Variants in ROBO1 observed in about 807,000 individuals in gnomAD.
ROBO1 encodes roundabout guidance receptor 1, also known as roundabout homolog 1.
A neutral mutation model predicts 195.9 loss-of-function variants in ROBO1; 149 were observed. The observed-to-expected ratio is 0.76, with a 90% CI of 0.67 to 0.87. ROBO1 has a LOEUF of 0.87. Among genes scored for constraint, ROBO1 ranks in the 40% least tolerant of loss-of-function variants. The pLI, the probability that ROBO1 is intolerant of heterozygous loss-of-function variation, is 0.00. For missense variants in ROBO1, 1,933 were observed against 2,068.3 expected, an observed-to-expected ratio of 0.93 and a Z score of 1.27; for synonymous variants, 816 against 733.2, an observed-to-expected ratio of 1.11 and a Z score of -1.82.
intron 2 of ROBO1, among the ~76,000 whole-genome samples, chr3:79,476,192 C>T (rs4507218): frequency 0.67 from 101,508 of 151,956 alleles, 35,392 homozygotes; most frequent in African/African-American, 0.89. Flanking sequence ...AAAACCACAA[C>T]GTGATACCAG....
intron 4 of ROBO1, among the ~76,000 whole-genome samples, chr3:78,789,935 A>G (rs189367855): frequency 1.2e-4 from 19 of 152,336 alleles, no homozygotes; most frequent in African/African-American, 4.3e-4. Flanking sequence ...CCCAAATTGG[A>G]CCAACATCTT....
intron 21 of ROBO1, among the ~76,000 whole-genome samples, chr3:78,645,224 T>TA (rs922651034): frequency 1.3e-5 from 2 of 152,086 alleles, no homozygotes; most frequent in East Asian, 1.9e-4. Flanking sequence ...TCTTTTTTTT[T>TA]AAACCACTCT....
chr3:78,776,711 G>T (rs1200008655), intron 4 of ROBO1, among the ~76,000 whole-genome samples: 2 of 152,146 alleles, frequency 1.3e-5, no homozygotes, highest in Non-Finnish European at 2.9e-5. Flanking sequence ...AAATATGAAT[G>T]GTACCATGTT....
chr3:79,668,886 G>A (rs546487231), intron 1 of ROBO1, among the ~76,000 whole-genome samples: 20 of 151,894 alleles, frequency 1.3e-4, no homozygotes, highest in African/African-American at 4.6e-4. Context: ...GAGTATAGAC[G>A]GAGATCATGA....
intron 2 of ROBO1, among the ~76,000 whole-genome samples, chr3:79,460,023 A>C (rs758283876): frequency 2.0e-5 from 3 of 152,150 alleles, no homozygotes; most frequent in Non-Finnish European, 1.5e-5. Flanking sequence ...TGTATTACAG[A>C]AAAAATAAAA....
At chr3:79,264,961 G>A (rs983356230) in intron 2 of ROBO1, among the ~76,000 whole-genome samples, 4 of 151,806 alleles carry the variant, frequency 2.6e-5, no homozygotes, top group African/African-American at 7.2e-5. Flanking sequence ...TGAAACAGCC[G>A]GATTCTAGGT....
At chr3:79,148,932 C>T (rs946711975) in intron 2 of ROBO1, among the ~76,000 whole-genome samples, 1 of 151,840 alleles carries the variant, frequency 6.6e-6, no homozygotes, top group Non-Finnish European at 1.5e-5. Context: ...AAGATGTGTT[C>T]AGGCAATGAA....
intron 2 of ROBO1, among the ~76,000 whole-genome samples, chr3:79,247,585 G>T (rs1026814755): frequency 2.0e-5 from 3 of 151,998 alleles, no homozygotes; most frequent in East Asian, 1.9e-4. Flanking sequence ...TCCCCAACTT[G>T]CTTTGCTACT....
intron 26 of ROBO1, among the ~76,000 whole-genome samples, chr3:78,625,198 T>C (rs1013037249): frequency 2.6e-5 from 4 of 152,200 alleles, no homozygotes; most frequent in African/African-American, 9.6e-5. Flanking sequence ...CTAGCAGCTG[T>C]AGGAATGGAA....
At chr3:79,668,590 A>G (rs952148696) in intron 1 of ROBO1, among the ~76,000 whole-genome samples, 2 of 151,716 alleles carry the variant, frequency 1.3e-5, no homozygotes, top group African/African-American at 4.8e-5. Flanking sequence ...GGAAAGACCA[A>G]TACCCCCACT....
intron 3 of ROBO1, among the ~76,000 whole-genome samples, chr3:79,058,805 A>G (rs2078861095): frequency 6.6e-6 from 1 of 152,088 alleles, no homozygotes; most frequent in South Asian, 2.1e-4. Context: ...CCTCCCCCTC[A>G]ATACATTTAA....
At chr3:79,666,157 A>G (rs750435490) in intron 1 of ROBO1, among the ~76,000 whole-genome samples, 3 of 151,978 alleles carry the variant, frequency 2.0e-5, no homozygotes, top group Non-Finnish European at 4.4e-5. Context: ...TATAATATTA[A>G]TTGAGAATGC....
intron 4 of ROBO1, among the ~76,000 whole-genome samples, chr3:78,894,166 C>G (rs1403443201): frequency 6.6e-6 from 1 of 152,038 alleles, no homozygotes; most frequent in Non-Finnish European, 1.5e-5. Flanking sequence ...TAAAAAGGAA[C>G]ATAAATTAAT....
At chr3:79,399,708 T>A (rs367894071) in intron 2 of ROBO1, among the ~76,000 whole-genome samples, 1 of 152,122 alleles carries the variant, frequency 6.6e-6, no homozygotes, top group Non-Finnish European at 1.5e-5. Flanking sequence ...TTGTTTTTAA[T>A]AGGAAGAAAA....
chr3:78,613,307 C>T (rs186716630), intron 28 of ROBO1, among the ~76,000 whole-genome samples: 311 of 152,240 alleles, frequency 2.0e-3, no homozygotes, highest in Non-Finnish European at 3.3e-3. Context: ...GTGAGAAGCA[C>T]TCTCTTCTAG....
rs75338446 is a variant in ROBO1, at chr3:79,003,373, A to G, written c.173-64446T>C. Among the ~76,000 whole-genome samples, 439 of 152,314 alleles carry G rather than the reference A, an allele frequency of 2.9e-3. 4 individuals carry two copies. Among genetic ancestry groups the G allele is most frequent in the East Asian group, 0.015 (78 of 5,184 alleles). ...TCTACACCCAGAACTAACATAAACT[A>G]GTTTCTTTAAAGAAAAATAAAGCAA... On this transcript the variant is annotated intron_variant, in intron 3 of 30. Coordinates refer to ENST00000464233, the MANE Select transcript of ROBO1 (RefSeq NM_002941.4).
At chr3:78,712,412 T>C (rs889246232) in intron 8 of ROBO1, among the ~76,000 whole-genome samples, 2 of 152,214 alleles carry the variant, frequency 1.3e-5, no homozygotes, top group Non-Finnish European at 2.9e-5. Flanking sequence ...AACTGGTGTT[T>C]TTCTACGTTC....
intron 7 of ROBO1, among the ~76,000 whole-genome samples, chr3:78,716,961 C>T (rs1030138205): frequency 6.6e-6 from 1 of 152,042 alleles, no homozygotes; most frequent in Non-Finnish European, 1.5e-5. Context: ...CCCTTTCCTG[C>T]CTACTACCAA....
At chr3:78,943,609 T>C (rs181674719) in intron 3 of ROBO1, among the ~76,000 whole-genome samples, 1 of 152,238 alleles carries the variant, frequency 6.6e-6, no homozygotes, top group African/African-American at 2.4e-5. Context: ...TGCTAAGGCA[T>C]ACTATGATGT....
Sources: allele counts gnomAD v4.1 joint callset (sites outside exome capture counted in the v4.1 genomes callset), GRCh38; gene constraint gnomAD v4.1.1; transcripts MANE v1.5; gene names NCBI Gene and HGNC (gene_info 2026-07-23, HGNC 2026-07-21).